UGGT2: variants seen among roughly 807,000 people sequenced by gnomAD.
UGGT2 encodes the protein UDP-glucose glycoprotein glucosyltransferase 2, also known as UDP-glucose:glycoprotein glucosyltransferase 2.
A neutral mutation model predicts 192.1 loss-of-function variants in UGGT2; 180 were observed. The ratio of observed to expected loss-of-function variants is 0.94; its 90% CI spans 0.83 to 1.06. The LOEUF (loss-of-function observed/expected upper bound fraction) is 1.06. Ranked by LOEUF, UGGT2 falls within the 50% of genes least tolerant of loss-of-function variation. UGGT2 has a pLI of 0.00. For synonymous variants in UGGT2, 580 were observed against 591.0 expected (o/e 0.98, Z 0.27); for missense variants, 1,849 against 1,795.7 (o/e 1.03, Z -0.54).
Position 95,853,414 on chromosome 13 carries a change from A to G in UGGT2, c.4284+129T>C, listed in dbSNP as rs1889251630. On this transcript the variant is annotated intron_variant, in intron 36 of 38. Transcript: ENST00000376747. The stretch of plus-strand genomic sequence containing the variant: ...AATTATGTATAAGTAGAAATATCCA[A>G]TAGATAATTACATAAACAGCAGTAA... The G allele has an allele frequency of 2.4e-5, 15 of 614,524 alleles. No individual in the cohort carries two copies. In the South Asian group the frequency reaches 3.3e-4, roughly 14 times the overall value. The allele number at this position is 614,524 out of a possible 1,614,324, so 38.1% of individuals were successfully genotyped here.
intron 1 of UGGT2, among the ~76,000 whole-genome samples, chr13:96,045,891 T>A (rs551535749): frequency 6.6e-6 from 1 of 152,234 alleles, no homozygotes; most frequent in Admixed American, 6.5e-5. Flanking sequence ...GAATCAATAC[T>A]GTGAAAATGA....
rs562110482 is a variant in UGGT2, at chr13:95,972,175, C to A, written c.1184+405G>T. 2.0e-5 allele frequency among the ~76,000 whole-genome samples: 3 copies of A among 150,976 alleles called. No homozygotes were observed. In the East Asian group the frequency reaches 5.9e-4, roughly 29 times the overall value. ...TTTTGACAAGAAACCAGATAGCATC[C>A]AGCATTCAAATACAAGCATTTTAAA... On this transcript the variant is annotated intron_variant, in intron 11 of 38. Coordinates refer to ENST00000376747, the MANE Select transcript of UGGT2 (RefSeq NM_020121.4).
chr13:95,880,833 TAATTAATTTATGAATTA>T, intron 27 of UGGT2, among the ~76,000 whole-genome samples: 1 of 152,212 alleles, frequency 6.6e-6, no homozygotes, highest in Admixed American at 6.5e-5. Context: ...CTACTGTGCT[TAATTAATTTATGAATTA>T]ACTCTTATCA....
intron 19 of UGGT2, among the ~76,000 whole-genome samples, chr13:95,926,517 T>C (rs1206030664): frequency 6.6e-6 from 1 of 152,138 alleles, no homozygotes; most frequent in Non-Finnish European, 1.5e-5. Context: ...AACCACCAAA[T>C]TCGAATTATA....
At chr13:96,038,334 A>G (rs1425203910) in intron 1 of UGGT2, among the ~76,000 whole-genome samples, 1 of 152,198 alleles carries the variant, frequency 6.6e-6, no homozygotes, top group African/African-American at 2.4e-5. Flanking sequence ...CCTTACAGTA[A>G]GGATTATTAC....
At chr13:95,904,332 T>C (rs1594280551) in intron 20 of UGGT2, among the ~76,000 whole-genome samples, 2 of 152,028 alleles carry the variant, frequency 1.3e-5, no homozygotes, top group South Asian at 2.1e-4. Flanking sequence ...TTAGGGTACA[T>C]GTGCACATTG....
chr13:96,013,651 G>A (rs2052236813), intron 4 of UGGT2, among the ~76,000 whole-genome samples, 170 bp from the exon 5 acceptor site: 2 of 151,902 alleles, frequency 1.3e-5, no homozygotes, highest in Admixed American at 1.3e-4. Context: ...TGACAGAAAA[G>A]AAAGAAAAGA....
intron 16 of UGGT2, among the ~76,000 whole-genome samples, chr13:95,938,870 A>G (rs1262613786): frequency 1.3e-5 from 2 of 152,008 alleles, no homozygotes; most frequent in East Asian, 1.9e-4. Context: ...CCAAAAGCCT[A>G]CTAGTCCATC....
intron 36 of UGGT2, among the ~76,000 whole-genome samples, chr13:95,847,240 C>T (rs1452761160): frequency 3.9e-5 from 6 of 152,016 alleles, no homozygotes; most frequent in Non-Finnish European, 8.8e-5. Flanking sequence ...ATTACCTACT[C>T]CCCTATTATC....
At chr13:95,842,651 C>A (rs1887989496) in intron 36 of UGGT2, among the ~76,000 whole-genome samples, 1 of 152,196 alleles carries the variant, frequency 6.6e-6, no homozygotes, top group African/African-American at 2.4e-5. Context: ...TAGACTATAA[C>A]AGACTGTGAC....
At chr13:95,805,200 T>G (rs566064973) in intron 38 of UGGT2, among the ~76,000 whole-genome samples, 1 of 151,942 alleles carries the variant, frequency 6.6e-6, no homozygotes, top group East Asian at 1.9e-4. Flanking sequence ...TCAATATCAC[T>G]AATCATTAGA....
At chr13:95,996,730 C>A (rs569695594) in intron 6 of UGGT2, among the ~76,000 whole-genome samples, 2 of 152,138 alleles carry the variant, frequency 1.3e-5, no homozygotes, top group African/African-American at 4.8e-5. Context: ...GCCAAAAGGC[C>A]TGTAACAAAT....
chr13:95,820,128 G>A (rs1477738651), intron 38 of UGGT2, among the ~76,000 whole-genome samples: 1 of 150,754 alleles, frequency 6.6e-6, no homozygotes, highest in African/African-American at 2.5e-5. Context: ...ATTCCAGCCT[G>A]TGTGACAGAG....
intron 8 of UGGT2, 123 bp from the exon 9 acceptor site, chr13:95,986,555 C>T (rs1349768943): frequency 2.5e-5 from 14 of 571,006 alleles, no homozygotes; most frequent in Admixed American, 3.8e-5. Context: ...CATGTTAATA[C>T]TGTTACATCT....
chr13:95,977,562 G>A (rs972819893), intron 10 of UGGT2, among the ~76,000 whole-genome samples: 1 of 152,190 alleles, frequency 6.6e-6, no homozygotes, highest in African/African-American at 2.4e-5. Flanking sequence ...TGGAGAGGAT[G>A]TGGAGAAACA....
At chr13:95,873,172 T>A (rs912545048) in intron 29 of UGGT2, among the ~76,000 whole-genome samples, 2 of 152,226 alleles carry the variant, frequency 1.3e-5, no homozygotes, top group African/African-American at 4.8e-5. Context: ...GCACAAAATT[T>A]AAAAAGCTGA....
chr13:95,861,775 TC>T (rs567707962), intron 31 of UGGT2, among the ~76,000 whole-genome samples: 142 of 151,942 alleles, frequency 9.3e-4, no homozygotes, highest in African/African-American at 3.3e-3. Context: ...TCTTGTAATC[TC>T]CCAAATAAGA....
Position 96,010,852 on chromosome 13 carries a change from A to G in UGGT2, c.660+2455T>C, listed in dbSNP as rs2052138967. 2.0e-5 allele frequency among the ~76,000 whole-genome samples: 3 copies of G among 152,242 alleles called. No homozygotes were observed. The South Asian group carries it at 6.2e-4, about 31-fold the overall frequency. On this transcript the variant is annotated intron_variant, in intron 5 of 38. Coordinates refer to ENST00000376747, the MANE Select transcript of UGGT2 (RefSeq NM_020121.4). ...AAAGAATAACAAAGCTGGAGGACTA[A>G]CACAACCTGATCTCAAGGCTATCAA...
chr13:95,899,343 C>G (rs894629256), intron 22 of UGGT2, among the ~76,000 whole-genome samples: 1 of 152,178 alleles, frequency 6.6e-6, no homozygotes, highest in Non-Finnish European at 1.5e-5. Context: ...TGTTGTCTCT[C>G]TCTATCCATC....
Sources: gnomAD v4.1 joint callset for allele counts (sites outside exome capture counted in the v4.1 genomes callset) on GRCh38, gnomAD v4.1.1 for gene constraint, MANE v1.5 for transcripts, NCBI Gene and HGNC (gene_info 2026-07-23, HGNC 2026-07-21) for gene names.